WNK1: variants seen among roughly 807,000 people sequenced by gnomAD.
WNK1 encodes the protein serine/threonine-protein kinase WNK1.
In WNK1, 38 loss-of-function variants were observed where a neutral mutation model predicts 222.8. The observed-to-expected ratio is 0.17, with a 90% CI of 0.13 to 0.22. The LOEUF is 0.22. Ranked by LOEUF, WNK1 falls within the 10% of genes least tolerant of loss-of-function variation. The probability of loss-of-function intolerance (pLI) is 1.00; values close to 1 mark genes in which losing one functional copy is unlikely to be tolerated. For synonymous variants in WNK1, 1,090 were observed against 1,092.9 expected (o/e 1.00, Z 0.05); for missense variants, 2,348 against 2,918.4 (o/e 0.80, Z 4.50).
chr12:910,261 GTAC>G lies in WNK1; in HGVS notation c.*1473_*1475del, dbSNP rs1592287150. The G allele has an allele frequency of 6.7e-6, 1 of 148,832 alleles. No individual in the cohort carries two copies. The highest frequency in any genetic ancestry group is 2.1e-4 in the South Asian group (1 of 4,672). The allele number at this position is 148,832 out of a possible 1,614,324, so 9.2% of individuals were successfully genotyped here. On this transcript the variant is annotated 3_prime_UTR_variant, in exon 28 of 28. Transcript: ENST00000315939. ...TGTACCATGCATTTCTCAGCTTGGG[GTAC>G]TACATTTTGTGGAAAGTTAATCTAT...
intron 25 of WNK1, among the ~76,000 whole-genome samples, chr12:899,442 C>T (rs1955035565): frequency 6.6e-6 from 1 of 152,028 alleles, no homozygotes; most frequent in Non-Finnish European, 1.5e-5. Context: ...TGTATAAGAA[C>T]ACCTGGCTAA....
rs545378279 is a variant in WNK1 at position 910,597 on chromosome 12, A to C, written c.*1805A>C. On this transcript the variant is annotated 3_prime_UTR_variant, in exon 28 of 28. Transcript: ENST00000315939. ...TTGTTATCTCTGAAGACAAAGAAAGAAGCTAGGACTCTTAATTTTGGGGTG... is the reference window on the plus strand; with the variant it reads ...TTGTTATCTCTGAAGACAAAGAAAGCAGCTAGGACTCTTAATTTTGGGGTG... 1.3e-5 allele frequency: 2 copies of C among 152,348 alleles called. No homozygotes were observed. The highest frequency in any genetic ancestry group is 3.9e-4 in the East Asian group (2 of 5,190). The allele number at this position is 152,348 out of a possible 1,614,324, so 9.4% of individuals were successfully genotyped here. A position where few individuals can be genotyped will look rare whatever the true frequency, so the allele number is the denominator to read the frequency against.
chr12:896,660 A>C lies in WNK1; in HGVS notation c.6173A>C (p.Tyr2058Ser). 6.2e-7 allele frequency: 1 copy of C among 1,610,436 alleles called. No homozygotes were observed. Among genetic ancestry groups the C allele is most frequent in the Non-Finnish European group, 8.5e-7 (1 of 1,179,270 alleles). ...CTTAGTAATTCATTTAACTCCTCTTACATGAGTAGCGACAATGAGTCAGAT... is the reference window on the plus strand; with the variant it reads ...CTTAGTAATTCATTTAACTCCTCTTCCATGAGTAGCGACAATGAGTCAGAT... ...QSLSNSFNSS[Y>S]MSSDNESDIE... is the part of the protein sequence containing the mutation. The change falls in exon 24 of 28, where the codon TAC (tyrosine) becomes TCC (serine). Residue 2058 changes from tyrosine to serine, a missense_variant. By Grantham distance (144) the Tyr-to-Ser change is moderately radical. Around this residue, in one of 13 missense-constraint regions of WNK1, gnomAD observed 1,144 missense variants for 1,273.6 expected, o/e 0.90. Coordinates refer to ENST00000315939, the MANE Select transcript of WNK1 (RefSeq NM_018979.4).
chr12:791,883 C>T (rs1347442631), intron 1 of WNK1, among the ~76,000 whole-genome samples: 1 of 152,074 alleles, frequency 6.6e-6, no homozygotes, highest in East Asian at 1.9e-4. Flanking sequence ...GTTTAGAACA[C>T]ATCATAATGT....
chr12:777,864 G>A (rs1348879550), intron 1 of WNK1, among the ~76,000 whole-genome samples: 1 of 152,166 alleles, frequency 6.6e-6, no homozygotes, highest in Non-Finnish European at 1.5e-5. Context: ...ATCTGTGTTT[G>A]TTTGCTGTTC....
intron 8 of WNK1, chr12:868,506 CTA>C (rs1951872307): frequency 6.2e-7 from 1 of 1,613,890 alleles, no homozygotes; most frequent in Admixed American, 1.7e-5. Context: ...TCTCCCCTCT[CTA>C]GTATTTCTGC....
At chr12:835,225 G>C (rs1444595437) in intron 4 of WNK1, among the ~76,000 whole-genome samples, 2 of 152,174 alleles carry the variant, frequency 1.3e-5, no homozygotes, top group Non-Finnish European at 2.9e-5. Flanking sequence ...TGTAGTCCCA[G>C]CCACTGGGAG....
At chr12:878,499 G>A (rs1952826460) in intron 10 of WNK1, 138 bp downstream of exon 10, 2 of 942,234 alleles carry the variant, frequency 2.1e-6, no homozygotes, top group Non-Finnish European at 3.2e-6. Flanking sequence ...CTTGAAGTAG[G>A]TTAATCTCAT....
chr12:830,285 T>TG (rs368635315), intron 4 of WNK1, 125 bp downstream of exon 4: 44 of 1,101,960 alleles, frequency 4.0e-5, no homozygotes, highest in African/African-American at 1.1e-4. Flanking sequence ...CTGTTGGGGT[T>TG]GGGGGGGTGG....
At chr12:771,279 G>A (rs1942459756) in intron 1 of WNK1, among the ~76,000 whole-genome samples, 1 of 152,130 alleles carries the variant, frequency 6.6e-6, no homozygotes, top group East Asian at 1.9e-4. Flanking sequence ...TGACAGGTGT[G>A]AGCTACTATG....
At chr12:829,943 C>T (rs891567726) in intron 3 of WNK1, 60 bp from the exon 4 acceptor site, 22 of 1,586,010 alleles carry the variant, frequency 1.4e-5, no homozygotes, top group African/African-American at 5.4e-5. Flanking sequence ...CTTCTCACCC[C>T]GGTGAGTAAC....
chr12:906,377 G>A (rs764372304), intron 26 of WNK1: 3 of 985,090 alleles, frequency 3.0e-6, no homozygotes, highest in South Asian at 4.7e-5. Context: ...TCATCAAACC[G>A]CAGAAATAGA....
intron 3 of WNK1, among the ~76,000 whole-genome samples, chr12:829,108 A>G (rs776123922): frequency 2.6e-5 from 4 of 152,178 alleles, no homozygotes; most frequent in Non-Finnish European, 4.4e-5. Context: ...CTCTGGCCCA[A>G]TAGAGTTTTT....
At chr12:873,364 A>C (rs757776875) in intron 9 of WNK1, among the ~76,000 whole-genome samples, 7 of 152,200 alleles carry the variant, frequency 4.6e-5, no homozygotes, top group Non-Finnish European at 1.0e-4. Flanking sequence ...TTAGGTAGCT[A>C]CCTCTCCAGG....
rs1031322049 is a variant in WNK1 at position 900,726 on chromosome 12, T to C, written c.6643+56T>C. 28 of 1,607,632 alleles carry C rather than the reference T, an allele frequency of 1.7e-5. No homozygotes were observed. The Middle Eastern group carries it at 6.6e-4, about 38-fold the overall frequency. ...AATAAAATGGAGATGTTGCCATACC[T>C]GGGACAAAAGCCTGTTAAGGCGGGT... On this transcript the variant is annotated intron_variant, in intron 26 of 27. Coordinates refer to ENST00000315939, the MANE Select transcript of WNK1 (RefSeq NM_018979.4).
chr12:872,936 C>T (rs1952282949), intron 9 of WNK1, among the ~76,000 whole-genome samples: 1 of 152,242 alleles, frequency 6.6e-6, no homozygotes, highest in Non-Finnish European at 1.5e-5. Flanking sequence ...ACTCCGTGAA[C>T]TGAAGGACTG....
chr12:846,372 C>A (rs975068758), intron 4 of WNK1, among the ~76,000 whole-genome samples: 1 of 152,168 alleles, frequency 6.6e-6, no homozygotes, highest in African/African-American at 2.4e-5. Context: ...ATAATAAAAA[C>A]CGTAGCAGGC....
intron 1 of WNK1, among the ~76,000 whole-genome samples, chr12:803,899 C>T (rs1946108685): frequency 6.6e-6 from 1 of 152,098 alleles, no homozygotes; most frequent in Non-Finnish European, 1.5e-5. Context: ...TAAAACCAAT[C>T]CATTGAGTGA....
intron 1 of WNK1, among the ~76,000 whole-genome samples, chr12:761,804 C>T (rs41379349): frequency 0.042 from 6,151 of 147,190 alleles, 570 homozygotes; most frequent in African/African-American, 0.12. Context: ...TAAGGTAAAT[C>T]GGGAAATGCA....
Sources: gnomAD v4.1 joint callset for allele counts (sites outside exome capture counted in the v4.1 genomes callset) on GRCh38, gnomAD v4.1.1 for gene constraint, gnomAD v4.1.1 regional missense constraint, MANE v1.5 for transcripts, NCBI Gene and HGNC (gene_info 2026-07-23, HGNC 2026-07-21) for gene names.